SERAC1: variants seen among roughly 807,000 people sequenced by gnomAD.
SERAC1 encodes protein SERAC1.
In SERAC1, 36 loss-of-function variants were observed where a neutral mutation model predicts 85.7. The observed-to-expected ratio is 0.42, with a 90% CI of 0.32 to 0.55. The LOEUF (loss-of-function observed/expected upper bound fraction) is 0.55. Among genes scored for constraint, SERAC1 ranks in the 20% least tolerant of loss-of-function variants. The pLI is 0.11. For missense variants in SERAC1, 629 were observed against 796.2 expected, an observed-to-expected ratio of 0.79 and a Z score of 2.53; for synonymous variants, 242 against 265.3, an observed-to-expected ratio of 0.91 and a Z score of 0.85.
Position 158,116,212 on chromosome 6 carries a change from C to G in SERAC1, c.1474G>C (p.Val492Leu). 2.5e-6 allele frequency: 4 copies of G among 1,614,116 alleles called. No individual in the cohort carries two copies. Among genetic ancestry groups the G allele is most frequent in the Non-Finnish European group, 3.4e-6 (4 of 1,179,982 alleles). ...CCCATGCTATGTGATATCCAAACCA[C>G]TGGCCTATCCCCAACACCAGCAGCT... ...LRAAGVGDRP[V>L]VWISHSMGGL... Residue 492 changes from valine (V) to leucine (L), a missense_variant, in exon 14 of 17, where the codon GTG (valine) becomes CTG (leucine). Physicochemically the swap from Val to Leu is conservative, Grantham distance 32 (BLOSUM62 1). Coordinates refer to ENST00000647468, the MANE Select transcript of SERAC1 (RefSeq NM_032861.4).
intron 4 of SERAC1, among the ~76,000 whole-genome samples, chr6:158,149,977 G>T (rs1282635740): frequency 6.6e-6 from 1 of 152,194 alleles, no homozygotes; most frequent in Non-Finnish European, 1.5e-5. Flanking sequence ...TAAATATTGA[G>T]AAGTGGAGTG....
intron 8 of SERAC1, among the ~76,000 whole-genome samples, chr6:158,135,524 C>T (rs1784772431): frequency 6.6e-6 from 1 of 151,756 alleles, no homozygotes; most frequent in African/African-American, 2.4e-5. Flanking sequence ...CAGAGCGAGA[C>T]TTCATCTCAA....
chr6:158,156,004 C>T (rs6906752), intron 2 of SERAC1, among the ~76,000 whole-genome samples: 5,326 of 152,064 alleles, frequency 0.035, 298 homozygotes, highest in African/African-American at 0.12. Flanking sequence ...AAAAAATTAT[C>T]CAGGCATGGT....
At chr6:158,140,699 G>T (rs1338068769) in intron 8 of SERAC1, among the ~76,000 whole-genome samples, 1 of 152,218 alleles carries the variant, frequency 6.6e-6, no homozygotes, top group African/African-American at 2.4e-5. Flanking sequence ...ACTGGTATCT[G>T]AAGTGGGGGG....
In SERAC1 at chr6:158,120,678, G is replaced by C. The variant is rs1454448143; in HGVS notation, c.1016-103C>G. 2 of 1,265,340 alleles carry C rather than the reference G, an allele frequency of 1.6e-6. No individual in the cohort carries two copies. The highest frequency in any genetic ancestry group is 2.5e-5 in the East Asian group (1 of 39,458). The allele number at this position is 1,265,340 out of a possible 1,614,324, so 78.4% of individuals were successfully genotyped here. On this transcript the variant is annotated intron_variant, in intron 10 of 16. Coordinates refer to ENST00000647468, the MANE Select transcript of SERAC1 (RefSeq NM_032861.4). This position sits in a 1 kb window ranked among gnomAD's most constrained non-coding sequence, Gnocchi z 4.4. ...ATATGATGGGAGAAAGGCAAACCTT[G>C]CGTGTCTGTCCTTGGCGGAGAAGTC...
At chr6:158,144,908 C>A (rs781705732) in intron 6 of SERAC1, among the ~76,000 whole-genome samples, 5 of 152,164 alleles carry the variant, frequency 3.3e-5, no homozygotes, top group Non-Finnish European at 5.9e-5. Flanking sequence ...AAACAAAATT[C>A]CAACCATGAA....
intron 1 of SERAC1, among the ~76,000 whole-genome samples, chr6:158,166,782 GTTAA>G (rs1785607874): frequency 6.6e-6 from 1 of 152,066 alleles, no homozygotes; most frequent in African/African-American, 2.4e-5. Flanking sequence ...AAAACTCCTA[GTTAA>G]TTGTTACTGG....
At chr6:158,149,405 C>T (rs1242845738) in intron 4 of SERAC1, among the ~76,000 whole-genome samples, 2 of 152,252 alleles carry the variant, frequency 1.3e-5, no homozygotes, top group African/African-American at 2.4e-5. Context: ...TTGTCACTAT[C>T]GATGCAACTA....
intron 3 of SERAC1, among the ~76,000 whole-genome samples, chr6:158,154,925 T>G (rs554531012): frequency 6.6e-6 from 1 of 151,506 alleles, no homozygotes; most frequent in South Asian, 2.1e-4. Flanking sequence ...GATTTAAGTG[T>G]GCCGGAGCTG....
rs1388625290 is a variant in SERAC1 at position 158,114,916 on chromosome 6, A to G, written c.1557T>C (p.Thr519=). 1.9e-6 allele frequency: 3 copies of G among 1,613,936 alleles called. No individual in the cohort carries two copies. Among genetic ancestry groups the G allele is most frequent in the South Asian group, 2.2e-5 (2 of 91,052 alleles). ...TTATTCCTCTGGTATTGTTGATAAC[A>G]GTACTCATTTCTGGCTTCGTAGAGG... ...LEASTKPEMS[T]VINNTRGIIF... The change falls in exon 15 of 17, where the codon ACT becomes ACC. Residue 519 remains threonine, a synonymous_variant. Transcript: ENST00000647468.
At chr6:158,115,584 A>T (rs758208816) in intron 14 of SERAC1, among the ~76,000 whole-genome samples, 6 of 152,196 alleles carry the variant, frequency 3.9e-5, no homozygotes, top group Non-Finnish European at 8.8e-5. Context: ...GCTTCATCAG[A>T]TAAACTAGGC....
At position 158,117,392 on chromosome 6, in the gene SERAC1, CA is replaced by C. The variant is rs1279712987; in HGVS notation, c.1403+334del. The C allele has an allele frequency of 2.4e-6, 2 of 839,034 alleles. No homozygotes were observed. The highest frequency in any genetic ancestry group is 3.5e-5 in the African/African-American group (2 of 57,802). The allele number at this position is 839,034 out of a possible 1,614,324, so 52.0% of individuals were successfully genotyped here. ...CATCTTTCTCTTTGCTTCCTTTAGC[CA>C]GTATGATTGTGGACACAAGAACAAA... On this transcript the variant is annotated intron_variant, in intron 13 of 16. Transcript: ENST00000647468. This position sits in a 1 kb window ranked among gnomAD's most constrained non-coding sequence, Gnocchi z 4.3.
intron 8 of SERAC1, among the ~76,000 whole-genome samples, chr6:158,141,284 G>A (rs1293275765): frequency 1.3e-5 from 2 of 152,366 alleles, no homozygotes; most frequent in South Asian, 2.1e-4. Flanking sequence ...AGGGGCTGGA[G>A]AGGGGAATGA....
At chr6:158,152,319 C>T (rs1036117432) in intron 3 of SERAC1, among the ~76,000 whole-genome samples, 22 of 152,270 alleles carry the variant, frequency 1.4e-4, no homozygotes, top group South Asian at 1.2e-3. Flanking sequence ...AATTCAAGAC[C>T]GGCCTGGCCA....
chr6:158,144,361 G>A lies in SERAC1; in HGVS notation c.547C>T (p.Arg183Ter), dbSNP rs780182065. The change falls in exon 7 of 17, where the codon CGA (arginine) becomes TGA (stop). Residue 183 changes from arginine to a stop codon, truncating the protein, a stop_gained. Coordinates refer to ENST00000647468, the MANE Select transcript of SERAC1 (RefSeq NM_032861.4). LOFTEE classifies it high-confidence loss of function. ...AAGCGAAGATCACTCTCTTCGCTTC[G>A]TGCCAAACCAATAAGAGTTTTCGGA... ...CDPKTLIGLA[R>*]SEESDLRFFL... The A allele has an allele frequency of 4.3e-6, 7 of 1,613,134 alleles. No homozygotes were observed. Among genetic ancestry groups the A allele is most frequent in the Non-Finnish European group, 5.9e-6 (7 of 1,179,290 alleles).
intron 8 of SERAC1, among the ~76,000 whole-genome samples, chr6:158,132,509 T>A (rs990207683): frequency 6.6e-6 from 1 of 152,168 alleles, no homozygotes; most frequent in Admixed American, 6.5e-5. Flanking sequence ...TGAAGATTTA[T>A]CGCCACATCC....
rs1381611636 is a variant in SERAC1 at position 158,117,626 on chromosome 6, T to G, written c.1403+101A>C. The G allele has an allele frequency of 6.3e-7, 1 of 1,585,268 alleles. No homozygotes were observed. Among genetic ancestry groups the G allele is most frequent in the Non-Finnish European group, 8.6e-7 (1 of 1,163,732 alleles). ...GTTTGTTCTTCATAAGAAAATCCTG[T>G]CTGTGGCATCAAAAAATTAAAATCA... On this transcript the variant is annotated intron_variant, in intron 13 of 16. Coordinates refer to ENST00000647468, the MANE Select transcript of SERAC1 (RefSeq NM_032861.4). This position sits in a 1 kb window ranked among gnomAD's most constrained non-coding sequence, Gnocchi z 4.3.
intron 1 of SERAC1, among the ~76,000 whole-genome samples, chr6:158,159,789 T>A (rs1231127960): frequency 6.6e-6 from 1 of 151,964 alleles, no homozygotes; most frequent in Non-Finnish European, 1.5e-5. Context: ...CACACTCAAC[T>A]AATTTTTTGT....
chr6:158,161,671 A>C (rs936514270), intron 1 of SERAC1: 2 of 151,592 alleles, frequency 1.3e-5, no homozygotes, highest in African/African-American at 4.9e-5. Flanking sequence ...TAGGACCTTA[A>C]GGACCCAGGG....
Sources: allele counts gnomAD v4.1 joint callset (sites outside exome capture counted in the v4.1 genomes callset), GRCh38; gene constraint gnomAD v4.1.1; non-coding constraint Gnocchi (gnomAD v3.1); transcripts MANE v1.5; gene names NCBI Gene and HGNC (gene_info 2026-07-23, HGNC 2026-07-21).